Variants in GREB1 observed in about 807,000 individuals in gnomAD.
The protein encoded by GREB1 is protein GREB1.
A neutral mutation model predicts 200.7 loss-of-function variants in GREB1; 106 were observed. The ratio of observed to expected loss-of-function variants is 0.53; its 90% CI spans 0.45 to 0.62. The LOEUF (loss-of-function observed/expected upper bound fraction) is 0.62, where lower values mean the gene tolerates loss of function less well. Ranked by LOEUF, GREB1 falls within the 20% of genes least tolerant of loss-of-function variation. The pLI is 0.00. For synonymous variants in GREB1, 1,132 were observed against 1,092.4 expected (o/e 1.04, Z -0.72); for missense variants, 2,243 against 2,556.8 (o/e 0.88, Z 2.65).
intron 29 of GREB1, among the ~76,000 whole-genome samples, chr2:11,634,661 G>A (rs988711846): frequency 1.3e-5 from 2 of 152,122 alleles, no homozygotes; most frequent in African/African-American, 4.8e-5. Context: ...ATTTCCGTAG[G>A]TTTCTGTACA....
intron 21 of GREB1, among the ~76,000 whole-genome samples, chr2:11,617,386 A>G (rs1046952345): frequency 5.3e-5 from 8 of 152,366 alleles, no homozygotes; most frequent in African/African-American, 1.9e-4. Context: ...CTGAGGGCCT[A>G]CTTGCTATCT....
intron 19 of GREB1, among the ~76,000 whole-genome samples, chr2:11,613,616 C>T (rs1683127735): frequency 6.6e-6 from 1 of 152,182 alleles, no homozygotes; most frequent in Admixed American, 6.5e-5. Flanking sequence ...GAAGGGGGCT[C>T]CAGAACATTT....
At chr2:11,606,343 A>G (rs1048805184) in intron 17 of GREB1, among the ~76,000 whole-genome samples, 2 of 152,152 alleles carry the variant, frequency 1.3e-5, no homozygotes, top group Non-Finnish European at 1.5e-5. Flanking sequence ...AGCACTTGGT[A>G]TGGTCAGTAT....
At chr2:11,522,512 C>T (rs1219063175) in intron 1 of GREB1, among the ~76,000 whole-genome samples, 1 of 152,162 alleles carries the variant, frequency 6.6e-6, no homozygotes, top group Non-Finnish European at 1.5e-5. Flanking sequence ...CTGCACACTG[C>T]TGCAGGACTC....
chr2:11,548,746 G>T lies in GREB1; in HGVS notation c.-161-7708G>T, dbSNP rs1469255443. The stretch of plus-strand genomic sequence containing the variant: ...ACCCTCTGTTGGATCCCCCATCCTG[G>T]CCCCCTGGCTTCACAATTGTTAATT... On this transcript the variant is annotated intron_variant, in intron 1 of 32. Coordinates refer to ENST00000381486, the MANE Select transcript of GREB1 (RefSeq NM_014668.4). This position sits in a 1 kb window ranked among gnomAD's most constrained non-coding sequence, Gnocchi z 5.1. Among the ~76,000 whole-genome samples the T allele has an allele frequency of 6.6e-6, 1 of 151,706 alleles. No individual in the cohort carries two copies. Among genetic ancestry groups the T allele is most frequent in the Non-Finnish European group, 1.5e-5 (1 of 67,962 alleles).
chr2:11,493,410 G>C lies in GREB1; in HGVS notation c.-159+11029G>C, dbSNP rs981179420. ...CCTTGTAGGCGCAGTTCACAATAGG[G>C]TTTGAGCTCCTATGAGAATCTGATG... On this transcript the variant is annotated intron_variant, in intron 1 of 2. Transcript: ENST00000628795. This position sits in a 1 kb window ranked among gnomAD's most constrained non-coding sequence, Gnocchi z 4.6. Among the ~76,000 whole-genome samples the C allele has an allele frequency of 6.6e-6, 1 of 152,126 alleles. No homozygotes were observed. The highest frequency in any genetic ancestry group is 2.4e-5 in the African/African-American group (1 of 41,392).
chr2:11,504,798 G>A (rs760348278), intron 1 of GREB1, among the ~76,000 whole-genome samples: 7 of 152,144 alleles, frequency 4.6e-5, no homozygotes, highest in South Asian at 4.1e-4. Flanking sequence ...TGAATAATTC[G>A]ACATTACTTT....
rs34299689 is a variant in GREB1, at chr2:11,637,765, C to T, written c.5396C>T (p.Pro1799Leu). The change falls in exon 31 of 33, where the codon CCG (proline) becomes CTG (leucine). Residue 1799 changes from proline (P) to leucine (L), a missense_variant. By Grantham distance (98) the Pro-to-Leu change is moderately conservative. Around this residue, in one of 3 missense-constraint regions of GREB1, gnomAD observed 478 missense variants for 616.3 expected, o/e 0.78. Transcript: ENST00000381486. ...GTGCCGGCCCAGTACATCTGTGCCCCGGACAGCAAGCACACGTTCCTCGCA... is the reference window on the plus strand; with the variant it reads ...GTGCCGGCCCAGTACATCTGTGCCCTGGACAGCAAGCACACGTTCCTCGCA... ...AVVPAQYICA[P>L]DSKHTFLAAP... is the part of the protein sequence containing the mutation. 161 of 1,613,844 alleles carry T rather than the reference C, an allele frequency of 1.0e-4. No individual in the cohort carries two copies. Among genetic ancestry groups the T allele is most frequent in the Non-Finnish European group, 1.3e-4 (155 of 1,180,036 alleles).
chr2:11,580,087 T>G lies in GREB1; in HGVS notation c.773-617T>G, dbSNP rs2148066465. ...GAGAGCATGTGCAGGGGAACTGCCC[T>G]TTATAAAACCATCAGGTCTCGTGAG... On this transcript the variant is annotated intron_variant, in intron 6 of 32. Transcript: ENST00000381486. The surrounding 1 kb of genome is among the most constrained non-coding windows in gnomAD (Gnocchi z 4.5). Among the ~76,000 whole-genome samples the G allele has an allele frequency of 6.6e-6, 1 of 152,300 alleles. No individual in the cohort carries two copies. Among genetic ancestry groups the G allele is most frequent in the Non-Finnish European group, 1.5e-5 (1 of 68,024 alleles).
At chr2:11,488,678 C>T (rs1672711586) in intron 1 of GREB1, among the ~76,000 whole-genome samples, 1 of 150,606 alleles carries the variant, frequency 6.6e-6, no homozygotes. Flanking sequence ...GTAATCCCAG[C>T]TCCTTGGGAG....
chr2:11,510,605 G>T (rs879303127), intron 1 of GREB1, among the ~76,000 whole-genome samples: 1 of 152,220 alleles, frequency 6.6e-6, no homozygotes, highest in East Asian at 1.9e-4. Flanking sequence ...CAGTTTTCAG[G>T]ATAATGAGTT....
intron 1 of GREB1, among the ~76,000 whole-genome samples, chr2:11,546,484 A>G (rs915762861): frequency 6.6e-6 from 1 of 152,236 alleles, no homozygotes; most frequent in East Asian, 1.9e-4. Context: ...GGACCACAGT[A>G]TATATTATTT....
At position 11,640,347 on chromosome 2, in the gene GREB1, C is replaced by T. The variant is rs1446499539; in HGVS notation, c.5743C>T (p.Arg1915Cys). Residue 1915 changes from arginine (R) to cysteine (C), a missense_variant, in exon 33 of 33, where the codon CGC (arginine) becomes TGC (cysteine). Around this residue, in one of 3 missense-constraint regions of GREB1, gnomAD observed 478 missense variants for 616.3 expected, o/e 0.78. Transcript: ENST00000381486. This position sits in a 1 kb window ranked among gnomAD's most constrained non-coding sequence, Gnocchi z 4.6. ...GAGCTCACTGCGCCAGACGGTCGTC[C>T]GCCTGGAGCTCGAGGACGAGTGGCA... ...DRSSLRQTVV[R>C]LELEDEWQFR... 4.3e-6 allele frequency: 7 copies of T among 1,614,044 alleles called. No homozygotes were observed. Among genetic ancestry groups the T allele is most frequent in the South Asian group, 1.1e-5 (1 of 91,086 alleles).
chr2:11,558,878 G>T (rs1676698298), intron 2 of GREB1, among the ~76,000 whole-genome samples: 1 of 151,988 alleles, frequency 6.6e-6, no homozygotes. Context: ...TTTGTGAGGG[G>T]GATTTAACAG....
intron 5 of GREB1, 125 bp from the exon 6 acceptor site, chr2:11,578,172 G>T: frequency 9.8e-7 from 1 of 1,017,036 alleles, no homozygotes; most frequent in East Asian, 2.4e-5. Flanking sequence ...CCAGGATGTG[G>T]TGGCAGCTTG....
intron 1 of GREB1, among the ~76,000 whole-genome samples, chr2:11,507,674 G>A (rs1184012778): frequency 1.3e-5 from 2 of 152,170 alleles, no homozygotes; most frequent in African/African-American, 4.8e-5. Context: ...CTGTCCAGGC[G>A]CCAGCCTCCT....
At position 11,592,794 on chromosome 2, in the gene GREB1, T is replaced by C. The variant is rs1680866474; in HGVS notation, c.1364T>C (p.Leu455Ser). 8.4e-6 allele frequency: 13 copies of C among 1,542,884 alleles called. No individual in the cohort carries two copies. The highest frequency in any genetic ancestry group is 1.1e-5 in the Non-Finnish European group (13 of 1,151,906). The part of the protein sequence containing the change: ...LVQLAADQVP[L>S]MEDLEQIFLR... ...GTTGCAGCCGCGGACCAGGTGCCCT[T>C]GATGGAGGACCTGGAGCAGATCTTC... Residue 455 changes from leucine (L) to serine (S), a missense_variant, in exon 11 of 33, where the codon TTG becomes TCG. Transcript: ENST00000381486.
intron 10 of GREB1, 99 bp from the exon 11 acceptor site, chr2:11,592,677 C>T: frequency 1.4e-6 from 1 of 735,430 alleles, no homozygotes; most frequent in Non-Finnish European, 2.0e-6. Flanking sequence ...TACGATTTCA[C>T]AGTAATAACT....
At chr2:11,589,895 A>G (rs983601349) in intron 10 of GREB1, among the ~76,000 whole-genome samples, 6 of 152,202 alleles carry the variant, frequency 3.9e-5, no homozygotes, top group Non-Finnish European at 8.8e-5. Flanking sequence ...GAGTTTGTAC[A>G]AGATGCCCAC....
Sources: gnomAD v4.1 joint callset for allele counts (sites outside exome capture counted in the v4.1 genomes callset) on GRCh38, gnomAD v4.1.1 for gene constraint, gnomAD v4.1.1 regional missense constraint, Gnocchi (gnomAD v3.1) non-coding constraint, MANE v1.5 for transcripts, NCBI Gene and HGNC (gene_info 2026-07-23, HGNC 2026-07-21) for gene names.